SLC39A11: variants seen among roughly 807,000 people sequenced by gnomAD.
The protein encoded by SLC39A11 is zinc transporter ZIP11.
In SLC39A11, 33 loss-of-function variants were observed where a neutral mutation model predicts 36.1. The ratio of observed to expected loss-of-function variants is 0.91; its 90% CI spans 0.69 to 1.22. The LOEUF (loss-of-function observed/expected upper bound fraction) is 1.22, where lower values mean the gene tolerates loss of function less well. Among genes scored for constraint, SLC39A11 ranks in the 50% most tolerant of loss-of-function variants. The pLI is 0.00. For missense variants in SLC39A11, 432 were observed against 430.3 expected, an observed-to-expected ratio of 1.00 and a Z score of -0.03; for synonymous variants, 166 against 170.3, an observed-to-expected ratio of 0.97 and a Z score of 0.20.
chr17:72,724,512 C>G (rs965966708), intron 7 of SLC39A11, among the ~76,000 whole-genome samples: 2 of 152,042 alleles, frequency 1.3e-5, no homozygotes, highest in Non-Finnish European at 2.9e-5. Flanking sequence ...TTTGAGACAT[C>G]CTGGATGTTC....
intron 3 of SLC39A11, among the ~76,000 whole-genome samples, chr17:73,040,713 G>A (rs566865967): frequency 1.3e-4 from 20 of 152,164 alleles, no homozygotes; most frequent in South Asian, 2.1e-4. Flanking sequence ...GCCCAGGCAC[G>A]GTGGCTCATG....
chr17:72,673,586 T>C (rs1293442625), intron 7 of SLC39A11, among the ~76,000 whole-genome samples: 1 of 152,208 alleles, frequency 6.6e-6, no homozygotes, highest in Non-Finnish European at 1.5e-5. Context: ...TTTAGCCTTG[T>C]AGTATCTGTT....
chr17:72,649,486 T>C (rs924604959), intron 7 of SLC39A11, among the ~76,000 whole-genome samples: 2 of 152,226 alleles, frequency 1.3e-5, no homozygotes, highest in East Asian at 3.8e-4. Context: ...CATCATGCTG[T>C]CCTGGGTCCT....
intron 5 of SLC39A11, among the ~76,000 whole-genome samples, chr17:72,916,646 C>G (rs932470364): frequency 7.2e-5 from 11 of 152,274 alleles, no homozygotes; most frequent in African/African-American, 2.2e-4. Context: ...GGGCAGGAAC[C>G]CAACAGTCAA....
chr17:72,791,281 C>T (rs1262741838), intron 6 of SLC39A11, among the ~76,000 whole-genome samples: 1 of 152,118 alleles, frequency 6.6e-6, no homozygotes, highest in East Asian at 1.9e-4. Flanking sequence ...ATGGTAAAAC[C>T]CTGTCTCTAC....
intron 3 of SLC39A11, chr17:73,067,798 T>A (rs910325993): frequency 7.4e-7 from 1 of 1,342,302 alleles, no homozygotes; most frequent in African/African-American, 1.4e-5. Context: ...GCCACAAGCA[T>A]CACAACTTTT....
intron 5 of SLC39A11, among the ~76,000 whole-genome samples, chr17:72,892,081 C>T (rs2081776816): frequency 6.6e-6 from 1 of 151,872 alleles, no homozygotes; most frequent in Non-Finnish European, 1.5e-5. Context: ...ACTTCCCTAG[C>T]AATATAAGGG....
At chr17:72,653,479 C>G (rs1212390106) in intron 7 of SLC39A11, among the ~76,000 whole-genome samples, 1 of 148,670 alleles carries the variant, frequency 6.7e-6, no homozygotes, top group Non-Finnish European at 1.5e-5. Flanking sequence ...CTCTGTCACC[C>G]AGGCTGAAGT....
At chr17:72,715,919 A>G (rs2073341933) in intron 7 of SLC39A11, among the ~76,000 whole-genome samples, 1 of 151,774 alleles carries the variant, frequency 6.6e-6, no homozygotes, top group South Asian at 2.1e-4. Flanking sequence ...CTGGACTCGA[A>G]CTCTTGACTT....
At chr17:72,986,153 A>G (rs2088732898) in intron 4 of SLC39A11, among the ~76,000 whole-genome samples, 1 of 152,156 alleles carries the variant, frequency 6.6e-6, no homozygotes, top group Non-Finnish European at 1.5e-5. Flanking sequence ...CTGTTGTTTA[A>G]GCTATTCAAA....
chr17:72,723,622 A>T (rs543229010), intron 7 of SLC39A11, among the ~76,000 whole-genome samples: 7 of 152,268 alleles, frequency 4.6e-5, no homozygotes, highest in African/African-American at 1.7e-4. Flanking sequence ...GAGGTGATAC[A>T]TTTACTTTTC....
rs149183520 is a variant in SLC39A11, at chr17:72,959,926, G to A, written c.307-12051C>T. Among the ~76,000 whole-genome samples, 1,097 of 152,222 alleles carry A rather than the reference G, an allele frequency of 7.2e-3. 15 individuals carry two copies. Among genetic ancestry groups the A allele is most frequent in the African/African-American group, 0.025 (1,020 of 41,532 alleles). On this transcript the variant is annotated intron_variant, in intron 4 of 9. Transcript: ENST00000255559. ...ACAATTTCCCAGAGTTCCCTGCTTC[G>A]TGAGATGCTCCAAGGGAAAGATTCT...
chr17:72,742,096 G>A (rs2074732683), intron 6 of SLC39A11, among the ~76,000 whole-genome samples: 1 of 152,066 alleles, frequency 6.6e-6, no homozygotes, highest in African/African-American at 2.4e-5. Context: ...CCAGCTACTA[G>A]GGAGGCTGAG....
chr17:73,060,078 G>A (rs1387462264), intron 3 of SLC39A11, among the ~76,000 whole-genome samples: 1 of 151,894 alleles, frequency 6.6e-6, no homozygotes, highest in Non-Finnish European at 1.5e-5. Context: ...GCATGGTGGT[G>A]GGTGCCTGTA....
At chr17:72,659,456 C>G (rs1022932817) in intron 7 of SLC39A11, among the ~76,000 whole-genome samples, 1 of 151,796 alleles carries the variant, frequency 6.6e-6, no homozygotes, top group Non-Finnish European at 1.5e-5. Context: ...GATGATCTGG[C>G]GGGGTGAGCT....
At chr17:73,076,332 C>T (rs1361541171) in intron 3 of SLC39A11, among the ~76,000 whole-genome samples, 1 of 152,090 alleles carries the variant, frequency 6.6e-6, no homozygotes, top group Non-Finnish European at 1.5e-5. Flanking sequence ...TGAGAAAAAA[C>T]AACTTGCGAA....
intron 5 of SLC39A11, among the ~76,000 whole-genome samples, chr17:72,905,114 A>G (rs1053913991): frequency 1.4e-5 from 2 of 138,964 alleles, no homozygotes; most frequent in African/African-American, 5.4e-5. Flanking sequence ...CGGAGCTTGC[A>G]GTGAGCTGAG....
chr17:72,730,971 C>T (rs1007161020), intron 7 of SLC39A11, among the ~76,000 whole-genome samples: 6 of 152,142 alleles, frequency 3.9e-5, no homozygotes, highest in Non-Finnish European at 8.8e-5. Context: ...GGGCTGGTCT[C>T]GAACTCCTGA....
At chr17:72,701,365 C>T (rs918446977) in intron 7 of SLC39A11, among the ~76,000 whole-genome samples, 3 of 151,924 alleles carry the variant, frequency 2.0e-5, no homozygotes, top group South Asian at 2.1e-4. Flanking sequence ...CCTTGTGTGG[C>T]GATGCTAAGC....
Sources: gnomAD v4.1 joint callset for allele counts (sites outside exome capture counted in the v4.1 genomes callset) on GRCh38, gnomAD v4.1.1 for gene constraint, MANE v1.5 for transcripts, NCBI Gene and HGNC (gene_info 2026-07-23, HGNC 2026-07-21) for gene names.